TXNDC8: variants seen among roughly 807,000 people sequenced by gnomAD.
The protein encoded by TXNDC8 is thioredoxin domain containing 8.
A neutral mutation model predicts 12.9 loss-of-function variants in TXNDC8; 15 were observed. The observed-to-expected ratio is 1.16, with a 90% CI of 0.78 to 1.79. TXNDC8 has a LOEUF of 1.79. Ranked by LOEUF, TXNDC8 falls within the 40% of genes most tolerant of loss-of-function variation. TXNDC8 has a pLI of 0.00. For missense variants in TXNDC8, 128 were observed against 113.2 expected (o/e 1.13, Z -0.59); for synonymous variants, 40 against 35.4 (o/e 1.13, Z -0.46).
In TXNDC8 at chr9:110,303,664, T is replaced by A. The variant is rs1245109140; in HGVS notation, c.*18A>T. On this transcript the variant is annotated 3_prime_UTR_variant, in exon 5 of 5. Transcript: ENST00000423740. The stretch of plus-strand genomic sequence containing the variant: ...TTGAGGCTTTAAGGAATTTTATTCC[T>A]GATTGAAAAGTTAAATCCTACTCAT... 6.2e-7 allele frequency: 1 copy of A among 1,601,160 alleles called. No homozygotes were observed. The highest frequency in any genetic ancestry group is 8.5e-7 in the Non-Finnish European group (1 of 1,172,386).
Position 110,334,274 on chromosome 9 carries a change from A to G in TXNDC8, c.71T>C (p.Val24Ala), listed in dbSNP as rs999649488. The change falls in exon 2 of 5, where the codon GTG becomes GCG. Residue 24 changes from valine (V) to alanine (A), a missense_variant. Transcript: ENST00000423740. The stretch of plus-strand genomic sequence containing the variant: ...ACACCGTTTCGAAGAAAATTGAACC[A>G]CTGCGAGTTTGTGTCCGGCAGCTGT... 2 of 1,613,918 alleles carry G rather than the reference A, an allele frequency of 1.2e-6. No individual in the cohort carries two copies. Among genetic ancestry groups the G allele is most frequent in the African/African-American group, 2.7e-5 (2 of 74,944 alleles).
intron 3 of TXNDC8, chr9:110,324,102 T>G (rs766512184): frequency 1.3e-5 from 18 of 1,412,100 alleles, no homozygotes; most frequent in Non-Finnish European, 1.6e-5. Flanking sequence ...CAAAAAGAAG[T>G]GTCTAAACTC....
At chr9:110,303,789 A>G (rs117434073) in intron 4 of TXNDC8, 277 of 1,286,574 alleles carry the variant, frequency 2.2e-4, no homozygotes, top group Non-Finnish European at 2.8e-4. Context: ...ACTTTTGCTA[A>G]AAACTTTGCC....
chr9:110,326,114 T>C (rs370138678), intron 3 of TXNDC8, 61 bp downstream of exon 4: 20 of 1,574,912 alleles, frequency 1.3e-5, no homozygotes, highest in South Asian at 1.2e-4. Flanking sequence ...CCAGGCTTTT[T>C]TGAGGGACTC....
intron 3 of TXNDC8, among the ~76,000 whole-genome samples, chr9:110,311,774 T>C (rs1316316214): frequency 2.1e-5 from 3 of 144,310 alleles, no homozygotes; most frequent in South Asian, 2.1e-4. Context: ...ACTATATATA[T>C]ACTATATATG....
chr9:110,316,318 G>A (rs1838884770), intron 3 of TXNDC8, among the ~76,000 whole-genome samples: 2 of 152,100 alleles, frequency 1.3e-5, no homozygotes, highest in Non-Finnish European at 2.9e-5. Flanking sequence ...AAAAGAATAT[G>A]TCTAATAAAA....
chr9:110,325,156 C>T (rs1839258600), intron 3 of TXNDC8, among the ~76,000 whole-genome samples: 1 of 151,952 alleles, frequency 6.6e-6, no homozygotes, highest in Admixed American at 6.6e-5. Flanking sequence ...GTACTAGTTT[C>T]ATAACTTGCT....
At chr9:110,305,769 T>C (rs745819374) in intron 3 of TXNDC8, among the ~76,000 whole-genome samples, 1 of 80,952 alleles carries the variant, frequency 1.2e-5, no homozygotes, top group African/African-American at 4.8e-5. Flanking sequence ...CTTCCCTTTC[T>C]TTTCTTTTCT....
At chr9:110,329,347 C>A in intron 2 of TXNDC8, 56 bp from the exon 3 acceptor site, 1 of 1,379,012 alleles carries the variant, frequency 7.3e-7, no homozygotes, top group Non-Finnish European at 1.0e-6. Flanking sequence ...TTAAAATACA[C>A]ACTGGAAGTG....
Position 110,316,232 on chromosome 9 carries a change from A to G in TXNDC8, c.195+9943T>C, listed in dbSNP as rs556068287. Among the ~76,000 whole-genome samples, 26 of 152,216 alleles carry G rather than the reference A, an allele frequency of 1.7e-4. No individual in the cohort carries two copies. The East Asian group carries it at 4.2e-3, about 25-fold the overall frequency. ...TGCCTGGCCTGTACAATATAATTTT[A>G]TAATTTATAATGATATTATATTCTC... On this transcript the variant is annotated intron_variant, in intron 3 of 4. Coordinates refer to ENST00000423740, the MANE Select transcript of TXNDC8 (RefSeq NM_001286946.2).
At chr9:110,305,578 C>G (rs1051976745) in intron 3 of TXNDC8, among the ~76,000 whole-genome samples, 1 of 139,998 alleles carries the variant, frequency 7.1e-6, no homozygotes, top group South Asian at 2.2e-4. Flanking sequence ...TTCTTTCTTT[C>G]TTTCTTTCTT....
intron 3 of TXNDC8, among the ~76,000 whole-genome samples, chr9:110,312,579 C>T (rs1838728853): frequency 6.6e-6 from 1 of 152,174 alleles, no homozygotes. Flanking sequence ...GGTACAAATC[C>T]ATCTATGGCT....
intron 3 of TXNDC8, among the ~76,000 whole-genome samples, chr9:110,313,359 A>G (rs973195458): frequency 6.6e-6 from 1 of 152,170 alleles, no homozygotes; most frequent in South Asian, 2.1e-4. Flanking sequence ...ACAGCAATCT[A>G]TTTACATATA....
chr9:110,326,299 G>A (rs1839315808), intron 2 of TXNDC8, 59 bp from the exon 4 acceptor site: 1 of 1,570,000 alleles, frequency 6.4e-7, no homozygotes, highest in African/African-American at 1.4e-5. Flanking sequence ...TCTGTACCAA[G>A]CATGTTATTT....
intron 2 of TXNDC8, chr9:110,329,232 C>T (rs200152415): frequency 8.0e-5 from 129 of 1,611,478 alleles, no homozygotes; most frequent in Admixed American, 5.2e-4. Flanking sequence ...AGATTCTTAC[C>T]GGAGAATTGT....
chr9:110,336,313 C>T (rs1260321855), intron 1 of TXNDC8, among the ~76,000 whole-genome samples: 2 of 152,182 alleles, frequency 1.3e-5, no homozygotes, highest in Non-Finnish European at 2.9e-5. Context: ...AGTGATGACT[C>T]AAAGAAGATG....
At chr9:110,308,120 A>T (rs1838529312) in intron 3 of TXNDC8, among the ~76,000 whole-genome samples, 1 of 152,212 alleles carries the variant, frequency 6.6e-6, no homozygotes, top group Non-Finnish European at 1.5e-5. Flanking sequence ...CCAATAGGAC[A>T]ATTTGCTGAG....
chr9:110,319,175 G>A (rs1289380685), intron 3 of TXNDC8, among the ~76,000 whole-genome samples: 1 of 152,168 alleles, frequency 6.6e-6, no homozygotes, highest in Non-Finnish European at 1.5e-5. Context: ...CTGCACGTAA[G>A]AGGTTTCTTT....
At chr9:110,325,530 T>G (rs1839276031) in intron 3 of TXNDC8, among the ~76,000 whole-genome samples, 1 of 149,488 alleles carries the variant, frequency 6.7e-6, no homozygotes, top group African/African-American at 2.5e-5. Context: ...TTTTTTTTTT[T>G]TTTTGAGACG....
Sources: allele counts gnomAD v4.1 joint callset (sites outside exome capture counted in the v4.1 genomes callset), GRCh38; gene constraint gnomAD v4.1.1; transcripts MANE v1.5; gene names NCBI Gene and HGNC (gene_info 2026-07-23, HGNC 2026-07-21).